Variants in TTC3 observed in about 807,000 individuals in gnomAD.
The protein encoded by TTC3 is tetratricopeptide repeat domain 3.
In TTC3, 180 loss-of-function variants were observed where a neutral mutation model predicts 249.6. The observed-to-expected ratio is 0.72, with a 90% CI of 0.64 to 0.82. The LOEUF (loss-of-function observed/expected upper bound fraction) is 0.82. Among genes scored for constraint, TTC3 ranks in the 40% least tolerant of loss-of-function variants. The pLI is 0.00. For synonymous variants in TTC3, 717 were observed against 805.0 expected, an observed-to-expected ratio of 0.89 and a Z score of 1.85; for missense variants, 2,061 against 2,398.4, an observed-to-expected ratio of 0.86 and a Z score of 2.94.
intron 42 of TTC3, among the ~76,000 whole-genome samples, chr21:37,197,233 C>G (rs991409571): frequency 1.3e-5 from 2 of 152,060 alleles, no homozygotes; most frequent in African/African-American, 4.8e-5. Context: ...CACCTGAGGT[C>G]AGGAGTTCGG....
chr21:37,136,037 A>G (rs1437786895), intron 18 of TTC3, among the ~76,000 whole-genome samples: 1 of 152,156 alleles, frequency 6.6e-6, no homozygotes, highest in Admixed American at 6.5e-5. Flanking sequence ...CTTTGATGTT[A>G]CTATTGTAAT....
At chr21:37,085,078 G>T (rs926850942) in intron 1 of TTC3, among the ~76,000 whole-genome samples, 1 of 152,182 alleles carries the variant, frequency 6.6e-6, no homozygotes, top group Non-Finnish European at 1.5e-5. Flanking sequence ...TGCTGTGTGT[G>T]TTATCAGTGA....
At chr21:37,104,588 C>CAAAAAAAA (rs141618903) in intron 10 of TTC3, among the ~76,000 whole-genome samples, 18 of 104,306 alleles carry the variant, frequency 1.7e-4, no homozygotes, top group African/African-American at 3.7e-4. Context: ...AACTCCGTCT[C>CAAAAAAAA]AAAAAAAAAA....
intron 39 of TTC3, among the ~76,000 whole-genome samples, chr21:37,190,793 C>T (rs748294240): frequency 7.2e-5 from 11 of 152,142 alleles, no homozygotes; most frequent in Admixed American, 1.3e-4. Flanking sequence ...TTACTATACC[C>T]ACAGATTGGT....
At chr21:37,081,299 G>T (rs2071621405) in intron 1 of TTC3, among the ~76,000 whole-genome samples, 1 of 151,750 alleles carries the variant, frequency 6.6e-6, no homozygotes. Context: ...TGTATTTTTA[G>T]TAGAGATGGG....
At chr21:37,098,204 T>C (rs11911508) in intron 10 of TTC3, 151,847 of 318,286 alleles carry the variant, frequency 0.48, 37,080 homozygotes, top group Middle Eastern at 0.52. Context: ...TATTTTGTGC[T>C]GTTTGAAGGT....
At chr21:37,138,523 A>G (rs112501594) in intron 18 of TTC3, 111 bp from the exon 19 acceptor site, 1 of 659,360 alleles carries the variant, frequency 1.5e-6, no homozygotes, top group East Asian at 2.7e-5. Context: ...ACAATCATTG[A>G]TTCGTAAGAT....
At chr21:37,076,863 G>T (rs777391279) in intron 1 of TTC3, among the ~76,000 whole-genome samples, 1 of 151,802 alleles carries the variant, frequency 6.6e-6, no homozygotes, top group African/African-American at 2.4e-5. Context: ...CACCACACCC[G>T]GCTAATTTTG....
intron 10 of TTC3, among the ~76,000 whole-genome samples, chr21:37,102,902 CA>C (rs1448723894): frequency 1.3e-5 from 2 of 152,158 alleles, no homozygotes; most frequent in Non-Finnish European, 2.9e-5. Context: ...GAGGCTGAGG[CA>C]AGAGAATTGC....
At chr21:37,109,104 AACAGCTCCAGTCT>A (rs2075358414) in intron 11 of TTC3, among the ~76,000 whole-genome samples, 1 of 152,162 alleles carries the variant, frequency 6.6e-6, no homozygotes, top group African/African-American at 2.4e-5. Context: ...GCTGAATAGG[AACAGCTCCAGTCT>A]ACAGCTCCCA....
chr21:37,125,196 T>C (rs1366257816), intron 14 of TTC3, among the ~76,000 whole-genome samples: 1 of 152,210 alleles, frequency 6.6e-6, no homozygotes, highest in Admixed American at 6.5e-5. Context: ...TCAGCCTGCC[T>C]TAGCAGCCCT....
chr21:37,091,155 C>T (rs2073217605), intron 6 of TTC3, 138 bp from the exon 7 acceptor site: 2 of 823,806 alleles, frequency 2.4e-6, no homozygotes, highest in Admixed American at 5.2e-5. Flanking sequence ...AGTTACATGC[C>T]AGAGTAGCAA....
At chr21:37,082,983 G>A (rs933395268) in intron 1 of TTC3, 1 of 985,252 alleles carries the variant, frequency 1.0e-6, no homozygotes, top group Non-Finnish European at 1.2e-6. Flanking sequence ...CAGTACAGAT[G>A]GCAAATGGAT....
chr21:37,201,260 C>A (rs116991933), intron 45 of TTC3, among the ~76,000 whole-genome samples, 180 bp from the exon 46 acceptor site: 142 of 152,296 alleles, frequency 9.3e-4, no homozygotes, highest in Non-Finnish European at 1.6e-3. Context: ...TCGTTTGCGG[C>A]TGGGGCTTTG....
chr21:37,077,612 C>G (rs1057050500), intron 1 of TTC3, among the ~76,000 whole-genome samples: 5 of 152,158 alleles, frequency 3.3e-5, no homozygotes, highest in Non-Finnish European at 7.4e-5. Flanking sequence ...TATTGTCAGA[C>G]TTAATATTTG....
intron 19 of TTC3, 66 bp downstream of exon 19, chr21:37,138,780 T>A: frequency 8.4e-7 from 1 of 1,187,094 alleles, no homozygotes; most frequent in Non-Finnish European, 1.2e-6. Context: ...AAAATTATTT[T>A]CTCATTTTTA....
chr21:37,086,844 A>C (rs560755303), intron 1 of TTC3: 1 of 168,140 alleles, frequency 5.9e-6, no homozygotes, highest in East Asian at 1.6e-4. Context: ...CACAGAATGC[A>C]GTAAAAGCAG....
chr21:37,112,624 T>C (rs933061153), intron 11 of TTC3, among the ~76,000 whole-genome samples: 1 of 152,208 alleles, frequency 6.6e-6, no homozygotes, highest in African/African-American at 2.4e-5. Flanking sequence ...TAGGAGGAGC[T>C]GGTACCATTC....
At chr21:37,175,575 C>T (rs988224367) in intron 35 of TTC3, among the ~76,000 whole-genome samples, 6 of 124,282 alleles carry the variant, frequency 4.8e-5, no homozygotes, top group Admixed American at 1.9e-4. Flanking sequence ...CCAGTCTGGG[C>T]GACAAGAGCT....
Sources: allele counts gnomAD v4.1 joint callset (sites outside exome capture counted in the v4.1 genomes callset), GRCh38; gene constraint gnomAD v4.1.1; transcripts MANE v1.5; gene names NCBI Gene and HGNC (gene_info 2026-07-23, HGNC 2026-07-21).